Variants in CSNK1G1 observed in about 807,000 individuals in gnomAD.
The protein encoded by CSNK1G1 is casein kinase 1 gamma 1.
Under a neutral mutation model 59.6 loss-of-function variants are expected in CSNK1G1, and 22 were observed. The ratio of observed to expected loss-of-function variants is 0.37; its 90% CI spans 0.26 to 0.53. CSNK1G1 has a LOEUF of 0.53. Ranked by LOEUF, CSNK1G1 falls within the 20% of genes least tolerant of loss-of-function variation. CSNK1G1 has a pLI of 0.89. For missense variants in CSNK1G1, 384 were observed against 519.5 expected (o/e 0.74, Z 2.54); for synonymous variants, 179 against 177.1 (o/e 1.01, Z -0.08).
chr15:64,273,212 C>T (rs1398386915), intron 2 of CSNK1G1, among the ~76,000 whole-genome samples: 1 of 152,064 alleles, frequency 6.6e-6, no homozygotes, highest in African/African-American at 2.4e-5. Context: ...TGCTAACTAC[C>T]CTTATTTTAT....
At chr15:64,308,504 T>G (rs1415861881) in intron 1 of CSNK1G1, among the ~76,000 whole-genome samples, 1 of 152,132 alleles carries the variant, frequency 6.6e-6, no homozygotes, top group Admixed American at 6.5e-5. Flanking sequence ...TCTCTCACAC[T>G]CATTTACTCT....
chr15:64,280,077 C>A (rs1216567254), intron 2 of CSNK1G1, among the ~76,000 whole-genome samples: 1 of 151,764 alleles, frequency 6.6e-6, no homozygotes, highest in Admixed American at 6.6e-5. Context: ...CCTAGTTTTA[C>A]TAAAATGATA....
intron 11 of CSNK1G1, among the ~76,000 whole-genome samples, chr15:64,177,404 C>G (rs1384805715): frequency 6.6e-6 from 1 of 152,158 alleles, no homozygotes; most frequent in Non-Finnish European, 1.5e-5. Flanking sequence ...TTTCCTTGCC[C>G]CCACACGCAA....
At chr15:64,280,171 CACAT>C (rs1894047401) in intron 2 of CSNK1G1, among the ~76,000 whole-genome samples, 2 of 152,062 alleles carry the variant, frequency 1.3e-5, no homozygotes, top group South Asian at 2.1e-4. Context: ...CGCACACACA[CACAT>C]AAAGGTTTCA....
chr15:64,214,582 G>A lies in CSNK1G1; in HGVS notation c.445-458C>T, dbSNP rs746240707. 4.6e-5 allele frequency among the ~76,000 whole-genome samples: 7 copies of A among 152,180 alleles called. No individual in the cohort carries two copies. The highest frequency in any genetic ancestry group is 1.7e-4 in the African/African-American group (7 of 41,502). On this transcript the variant is annotated intron_variant, in intron 5 of 11. Coordinates refer to ENST00000303052, the MANE Select transcript of CSNK1G1 (RefSeq NM_022048.5). This position sits in a 1 kb window ranked among gnomAD's most constrained non-coding sequence, Gnocchi z 4.3. ...GACAAGACTACCCAACCCAGTTTTC[G>A]ATGTTGTGAGGCCCAGAGAAGTTAA... is the stretch of plus-strand genomic sequence containing the variant.
At chr15:64,276,546 T>C (rs1566929595) in intron 2 of CSNK1G1, among the ~76,000 whole-genome samples, 1 of 151,690 alleles carries the variant, frequency 6.6e-6, no homozygotes, top group Non-Finnish European at 1.5e-5. Flanking sequence ...ATGTGGAAAA[T>C]TAAAAGGTCA....
At chr15:64,180,487 A>G (rs759880815) in intron 10 of CSNK1G1, 33 bp from the exon 11 acceptor site, 5 of 1,539,914 alleles carry the variant, frequency 3.2e-6, no homozygotes, top group Middle Eastern at 3.4e-4. Context: ...TGTGACAGGC[A>G]CCATGGCAAC....
At chr15:64,269,968 T>G (rs1253336321) in intron 2 of CSNK1G1, among the ~76,000 whole-genome samples, 1 of 151,530 alleles carries the variant, frequency 6.6e-6, no homozygotes, top group African/African-American at 2.4e-5. Context: ...CAGACCTGAC[T>G]AATTTTTTTT....
At chr15:64,174,618 G>A (rs1162470145) in intron 11 of CSNK1G1, among the ~76,000 whole-genome samples, 1 of 152,204 alleles carries the variant, frequency 6.6e-6, no homozygotes, top group African/African-American at 2.4e-5. Flanking sequence ...TAGATGACAA[G>A]AAGTTCTCAA....
intron 4 of CSNK1G1, among the ~76,000 whole-genome samples, chr15:64,245,852 C>T (rs1891723416): frequency 6.6e-6 from 1 of 151,954 alleles, no homozygotes; most frequent in African/African-American, 2.4e-5. Context: ...ATAAGGTAGG[C>T]AGGGAAAGAC....
At chr15:64,242,494 C>T (rs1891526243) in intron 4 of CSNK1G1, among the ~76,000 whole-genome samples, 1 of 152,172 alleles carries the variant, frequency 6.6e-6, no homozygotes, top group South Asian at 2.1e-4. Flanking sequence ...TCTGAAGCCT[C>T]ATCAGAAGCC....
intron 4 of CSNK1G1, among the ~76,000 whole-genome samples, chr15:64,224,501 A>G (rs1432253854): frequency 1.3e-5 from 2 of 152,228 alleles, no homozygotes; most frequent in African/African-American, 4.8e-5. Context: ...GATATGAGAT[A>G]ATACGTAGTA....
In CSNK1G1 at chr15:64,292,574, T is replaced by C. The variant is rs972865835; in HGVS notation, c.181+7745A>G. On this transcript the variant is annotated intron_variant, in intron 2 of 11. Coordinates refer to ENST00000303052, the MANE Select transcript of CSNK1G1 (RefSeq NM_022048.5). The stretch of plus-strand genomic sequence containing the variant: ...GAATATTATTAAAATCATACGCCTG[T>C]CTCTCTAGTCTAACAGGTCTCCCAT... Among the ~76,000 whole-genome samples the C allele has an allele frequency of 6.6e-5, 10 of 152,262 alleles. No individual in the cohort carries two copies. In the South Asian group the frequency reaches 1.9e-3, roughly 28 times the overall value.
chr15:64,307,843 C>G lies in CSNK1G1; in HGVS notation c.-224-7120G>C, dbSNP rs548038237. Reference sequence around the variant, plus strand: ...CTGGGACTACAGGTGCCCACCACCACGCCTGGCTAATTTTTTGTATTTTTA... The same window carrying G: ...CTGGGACTACAGGTGCCCACCACCAGGCCTGGCTAATTTTTTGTATTTTTA... On this transcript the variant is annotated intron_variant, in intron 1 of 11. Coordinates refer to ENST00000303052, the MANE Select transcript of CSNK1G1 (RefSeq NM_022048.5). 2.0e-4 allele frequency among the ~76,000 whole-genome samples: 30 copies of G among 152,202 alleles called. No individual in the cohort carries two copies. In the South Asian group the frequency reaches 2.9e-3, roughly 15 times the overall value.
intron 2 of CSNK1G1, among the ~76,000 whole-genome samples, chr15:64,282,049 G>C (rs1596214735): frequency 6.6e-6 from 1 of 151,502 alleles, no homozygotes; most frequent in East Asian, 1.9e-4. Context: ...AGCCTCCCAA[G>C]TAACTGGGAT....
chr15:64,179,119 G>C (rs1596051522), intron 11 of CSNK1G1, among the ~76,000 whole-genome samples: 2 of 152,212 alleles, frequency 1.3e-5, no homozygotes, highest in African/African-American at 4.8e-5. Context: ...AGTGGTTCAT[G>C]CCTGTAATTT....
intron 1 of CSNK1G1, among the ~76,000 whole-genome samples, chr15:64,309,454 T>C (rs1895874620): frequency 6.6e-6 from 1 of 151,430 alleles, no homozygotes; most frequent in Non-Finnish European, 1.5e-5. Context: ...CCATTCTGAG[T>C]AGAAAGAAAA....
chr15:64,254,327 A>G (rs144873431), intron 3 of CSNK1G1, among the ~76,000 whole-genome samples: 7 of 151,358 alleles, frequency 4.6e-5, no homozygotes, highest in African/African-American at 1.2e-4. Flanking sequence ...TTGTACACCA[A>G]TGTAAATGTA....
chr15:64,181,557 T>C (rs1332224850), intron 10 of CSNK1G1: 3 of 900,998 alleles, frequency 3.3e-6, no homozygotes, highest in East Asian at 2.7e-5. Context: ...AGAAAATGTA[T>C]GAGACTGTCT....
Sources: gnomAD v4.1 joint callset for allele counts (sites outside exome capture counted in the v4.1 genomes callset) on GRCh38, gnomAD v4.1.1 for gene constraint, Gnocchi (gnomAD v3.1) non-coding constraint, MANE v1.5 for transcripts, NCBI Gene and HGNC (gene_info 2026-07-23, HGNC 2026-07-21) for gene names.